The following POU2F2 variants were observed in gnomAD, a reference collection of about 807,000 sequenced individuals.
POU2F2 encodes POU class 2 homeobox 2.
POU2F2 carries 14 observed loss-of-function variants against 63.5 expected under a neutral mutation model. The ratio of observed to expected loss-of-function variants is 0.22; its 90% CI spans 0.15 to 0.34. The LOEUF (loss-of-function observed/expected upper bound fraction) is 0.34. POU2F2 is among the 10% of genes least tolerant of loss of function. POU2F2 has a pLI of 1.00. For missense variants in POU2F2, 607 were observed against 815.2 expected (o/e 0.74, Z 3.11); for synonymous variants, 306 against 348.6 (o/e 0.88, Z 1.36).
At position 42,152,623 on chromosome 19, in the gene POU2F2, C is replaced by T. The variant is rs2146774637; in HGVS notation, c.-9+7709G>A. The T allele has an allele frequency of 6.6e-6, 1 of 152,606 alleles. No individual in the cohort carries two copies. The highest frequency in any genetic ancestry group is 6.5e-5 in the Admixed American group (1 of 15,302). The allele number at this position is 152,606 out of a possible 1,614,324, so 9.5% of individuals were successfully genotyped here. The stretch of plus-strand genomic sequence containing the variant: ...ACCATCATGTACCCCTTACCCAGGC[C>T]TCTGAGGGGCCAGGCACCCCCCACC... On this transcript the variant is annotated intron_variant, in intron 2 of 6. Transcript: ENST00000524801. This position sits in a 1 kb window ranked among gnomAD's most constrained non-coding sequence, Gnocchi z 4.1.
intron 4 of POU2F2, among the ~76,000 whole-genome samples, chr19:42,118,148 C>T (rs1386676370): frequency 6.6e-6 from 1 of 152,184 alleles, no homozygotes; most frequent in Non-Finnish European, 1.5e-5. Context: ...TGGTCTTGAA[C>T]TCCTAGGCTC....
chr19:42,091,839 G>A (rs142827647), intron 14 of POU2F2, 28 bp downstream of exon 14: 7 of 1,539,420 alleles, frequency 4.5e-6, no homozygotes, highest in South Asian at 1.2e-5. Flanking sequence ...GGCTGGTGAC[G>A]ATGGGTGTGA....
chr19:42,116,781 T>C, intron 5 of POU2F2: 2 of 353,356 alleles, frequency 5.7e-6, no homozygotes, highest in South Asian at 2.0e-5. Flanking sequence ...CAGGCTGTGG[T>C]GGTGGCAGGT....
At chr19:42,128,697 T>C (rs2033421584) in intron 1 of POU2F2, among the ~76,000 whole-genome samples, 1 of 152,152 alleles carries the variant, frequency 6.6e-6, no homozygotes, top group African/African-American at 2.4e-5. Flanking sequence ...AGCCTCAGCC[T>C]GAGCCCAGGC....
At chr19:42,122,635 G>T in intron 1 of POU2F2, 59 bp from the exon 2 acceptor site, 1 of 1,417,444 alleles carries the variant, frequency 7.1e-7, no homozygotes, top group Non-Finnish European at 9.6e-7. Flanking sequence ...AGGGCTCTCG[G>T]GCCCCCATTC....
rs765427701 is a variant in POU2F2, at chr19:42,095,703, G to A, written c.872-10C>T. 29 of 1,610,898 alleles carry A rather than the reference G, an allele frequency of 1.8e-5. No homozygotes were observed. The East Asian group carries it at 5.1e-4, about 28-fold the overall frequency. ...TCCACAGACATAGTCTCTGTGCGCCGGGGGAGACGTGAGCATGAGAAGGGG... is the reference window on the plus strand; with the variant it reads ...TCCACAGACATAGTCTCTGTGCGCCAGGGGAGACGTGAGCATGAGAAGGGG... On this transcript the variant is annotated splice_polypyrimidine_tract_variant and intron_variant, in intron 9 of 14. Transcript: ENST00000692977. The surrounding 1 kb of genome is among the most constrained non-coding windows in gnomAD (Gnocchi z 7.1).
Position 42,117,515 on chromosome 19 carries a change from G to T in POU2F2, c.187-83C>A. The T allele has an allele frequency of 4.5e-6, 3 of 665,326 alleles. No homozygotes were observed. Among genetic ancestry groups the T allele is most frequent in the Non-Finnish European group, 7.8e-6 (3 of 384,050 alleles). 41.2% of individuals were successfully genotyped at this position (665,326 alleles called of 1,614,324 possible). A position where few individuals can be genotyped will look rare whatever the true frequency, so the allele number is the denominator to read the frequency against. ...AGCAGACTGGGGTGTGGACATGAGG[G>T]TGCAGTCTGTGGTCCTGCACTGACC... is the stretch of plus-strand genomic sequence containing the variant. On this transcript the variant is annotated intron_variant, in intron 4 of 14. Transcript: ENST00000692977. This position sits in a 1 kb window ranked among gnomAD's most constrained non-coding sequence, Gnocchi z 4.4.
intron 1 of POU2F2, among the ~76,000 whole-genome samples, chr19:42,170,368 G>A (rs1244543060): frequency 6.6e-6 from 1 of 150,430 alleles, no homozygotes; most frequent in Non-Finnish European, 1.5e-5. Flanking sequence ...ATACATGGAA[G>A]GCTCAGAGTG....
chr19:42,109,652 T>G (rs962543223), intron 5 of POU2F2, among the ~76,000 whole-genome samples: 2 of 152,154 alleles, frequency 1.3e-5, no homozygotes, highest in African/African-American at 4.8e-5. Flanking sequence ...TAGTTTTTGT[T>G]TTTTAAGAGA....
intron 1 of POU2F2, among the ~76,000 whole-genome samples, chr19:42,128,250 G>C (rs1332832550): frequency 6.6e-6 from 1 of 151,976 alleles, no homozygotes; most frequent in African/African-American, 2.4e-5. Context: ...ACTGACCAGG[G>C]CCCAATCCTG....
rs915681981 is a variant in POU2F2 at position 42,092,700 on chromosome 19, C to T, written c.1265-430G>A. 1.3e-5 allele frequency among the ~76,000 whole-genome samples: 2 copies of T among 152,080 alleles called. No homozygotes were observed. Among genetic ancestry groups the T allele is most frequent in the African/African-American group, 4.8e-5 (2 of 41,390 alleles). ...AGACTGCTGGGGTAGAAACTCCTGG[C>T]TCTGTCTCATCCCAGTGGTGCCCTT... On this transcript the variant is annotated intron_variant, in intron 12 of 14. Transcript: ENST00000692977. The surrounding 1 kb of genome is among the most constrained non-coding windows in gnomAD (Gnocchi z 5.0).
chr19:42,151,972 A>G (rs1024396203), intron 2 of POU2F2, among the ~76,000 whole-genome samples: 14 of 152,224 alleles, frequency 9.2e-5, no homozygotes, highest in Non-Finnish European at 1.8e-4. Context: ...CAACATAGAC[A>G]GGGTGCTCCT....
upstream of POU2F2, among the ~76,000 whole-genome samples, chr19:42,180,170 A>G (rs1300858845): frequency 6.6e-6 from 1 of 152,188 alleles, no homozygotes; most frequent in Non-Finnish European, 1.5e-5. Context: ...CTGTGTGGGC[A>G]CAACATAAAT....
intron 1 of POU2F2, among the ~76,000 whole-genome samples, chr19:42,123,439 T>A (rs571127098): frequency 6.6e-6 from 1 of 152,166 alleles, no homozygotes; most frequent in South Asian, 2.1e-4. Context: ...AGCGCTCTGA[T>A]ACTTTTCACA....
intron 12 of POU2F2, 138 bp downstream of exon 12, chr19:42,093,689 CTG>C: frequency 1.3e-6 from 1 of 794,592 alleles, no homozygotes; most frequent in Non-Finnish European, 2.0e-6. Context: ...CCTCTTCCCA[CTG>C]TCTCTCCCAT....
intron 4 of POU2F2, among the ~76,000 whole-genome samples, chr19:42,120,016 T>C (rs1226350318): frequency 1.3e-5 from 2 of 151,694 alleles, no homozygotes; most frequent in Non-Finnish European, 2.9e-5. Flanking sequence ...CTTCCCAGAC[T>C]CAAGCGATCC....
intron 2 of POU2F2, among the ~76,000 whole-genome samples, chr19:42,151,617 G>A (rs1267282353): frequency 6.6e-6 from 1 of 152,218 alleles, no homozygotes; most frequent in African/African-American, 2.4e-5. Flanking sequence ...AGGTCGGATG[G>A]GGGTGGGGGG....
chr19:42,131,618 G>C (rs543999993), intron 1 of POU2F2, among the ~76,000 whole-genome samples: 35 of 152,344 alleles, frequency 2.3e-4, no homozygotes, highest in African/African-American at 7.7e-4. Flanking sequence ...ACCTTGTACA[G>C]TGCCTGGTGC....
rs2076603098 is a variant in POU2F2, at chr19:42,088,020, AG to A, written c.*3236del. On this transcript the variant is annotated 3_prime_UTR_variant, in exon 15 of 15. Transcript: ENST00000692977. ...CACCTTCCCAACCCTGGCTCCCTCC[AG>A]CCCCCCAGCCCCTTGCCCTGGCTGG... is the stretch of plus-strand genomic sequence containing the variant. The A allele has an allele frequency of 6.6e-6, 1 of 152,058 alleles. No individual in the cohort carries two copies. Among genetic ancestry groups the A allele is most frequent in the South Asian group, 2.1e-4 (1 of 4,820 alleles). 9.4% of individuals were successfully genotyped at this position (152,058 alleles called of 1,614,324 possible).
Sources: allele counts gnomAD v4.1 joint callset (sites outside exome capture counted in the v4.1 genomes callset), GRCh38; gene constraint gnomAD v4.1.1; non-coding constraint Gnocchi (gnomAD v3.1); transcripts MANE v1.5; gene names NCBI Gene and HGNC (gene_info 2026-07-23, HGNC 2026-07-21).